Variants in NWD1 observed in about 807,000 individuals in gnomAD.
NWD1 encodes the protein NACHT domain- and WD repeat-containing protein 1.
A neutral mutation model predicts 135.1 loss-of-function variants in NWD1; 129 were observed. The ratio of observed to expected loss-of-function variants is 0.96; its 90% confidence interval spans 0.83 to 1.11. The LOEUF (loss-of-function observed/expected upper bound fraction) is 1.11. Among genes scored for constraint, NWD1 ranks in the 50% least tolerant of loss-of-function variants. The pLI, the probability that NWD1 is intolerant of heterozygous loss-of-function variation, is 0.00. For missense variants in NWD1, 1,740 were observed against 1,851.3 expected, an observed-to-expected ratio of 0.94 and a Z score of 1.10; for synonymous variants, 773 against 786.0, an observed-to-expected ratio of 0.98 and a Z score of 0.28.
chr19:16,814,964 A>ATG (rs1273618597), intron 18 of NWD1, 64 bp from the exon 19 acceptor site: 2 of 1,439,230 alleles, frequency 1.4e-6, no homozygotes, highest in Non-Finnish European at 1.9e-6. Context: ...CAACTCTGGA[A>ATG]TGTGTAGGAT....
chr19:16,787,873 T>TAAA (rs1568380619), intron 12 of NWD1, among the ~76,000 whole-genome samples: 1 of 91,474 alleles, frequency 1.1e-5, no homozygotes, highest in African/African-American at 4.5e-5. Context: ...ATAGTAATAA[T>TAAA]AACAATAATA....
In NWD1 at chr19:16,744,712, C is replaced by T. The variant is rs752846876; in HGVS notation, c.490C>T (p.Arg164Trp). 46 of 1,535,710 alleles carry T rather than the reference C, an allele frequency of 3.0e-5. No homozygotes were observed. The highest frequency in any genetic ancestry group is 5.5e-5 in the African/African-American group (4 of 73,020). Residue 164 changes from arginine to tryptophan, a missense_variant, in exon 5 of 19, where the codon CGG becomes TGG. Coordinates refer to ENST00000524140, the MANE Select transcript of NWD1 (RefSeq NM_001007525.5). ...CCAGGAGCAGTGGCAGCACTACCAC[C>T]GGTCAGGTGAGGCCGCAGGGACTCC... The part of the protein sequence containing the change: ...ITQEQWQHYH[R>W]SVIEWEIERS...
At chr19:16,764,466 A>ACCATCCATCCAT (rs372770895) in intron 9 of NWD1, among the ~76,000 whole-genome samples, 1 of 147,976 alleles carries the variant, frequency 6.8e-6, no homozygotes, top group African/African-American at 2.5e-5. Context: ...GCTGGTTATA[A>ACCATCCATCCAT]CCATCCATCC....
At chr19:16,741,884 G>A (rs1599445786) in intron 4 of NWD1, among the ~76,000 whole-genome samples, 1 of 152,138 alleles carries the variant, frequency 6.6e-6, no homozygotes, top group African/African-American at 2.4e-5. Context: ...GCTGAGGTGG[G>A]CAGATTATTT....
At position 16,808,048 on chromosome 19, in the gene NWD1, A is replaced by G. The variant is rs757027729; in HGVS notation, c.4199A>G (p.Glu1400Gly). 2 of 1,614,108 alleles carry G rather than the reference A, an allele frequency of 1.2e-6. No individual in the cohort carries two copies. Among genetic ancestry groups the G allele is most frequent in the Non-Finnish European group, 1.7e-6 (2 of 1,180,004 alleles). The change falls in exon 18 of 19, where the codon GAG (glutamate) becomes GGG (glycine). Residue 1400 changes from glutamate (E) to glycine (G), a missense_variant. Transcript: ENST00000524140. ...GCCTGTGTGGAGGTCAGCCACAAGGAGCAGCTGGTGGTCAGCGGGTCTGAG... is the reference window on the plus strand; with the variant it reads ...GCCTGTGTGGAGGTCAGCCACAAGGGGCAGCTGGTGGTCAGCGGGTCTGAG... ...RVACVEVSHK[E>G]QLVVSGSEDA... is the part of the protein sequence containing the mutation.
intron 17 of NWD1, among the ~76,000 whole-genome samples, chr19:16,806,605 G>C (rs960240816): frequency 2.0e-5 from 3 of 152,084 alleles, no homozygotes; most frequent in Admixed American, 2.0e-4. Context: ...CAGTTACTTG[G>C]GGGGCTGAGG....
At position 16,759,339 on chromosome 19, in the gene NWD1, C is replaced by T; in HGVS notation, c.1884C>T (p.Pro628=). 6.2e-7 allele frequency: 1 copy of T among 1,613,924 alleles called. No individual in the cohort carries two copies. The highest frequency in any genetic ancestry group is 8.5e-7 in the Non-Finnish European group (1 of 1,179,942). The stretch of plus-strand genomic sequence containing the variant: ...GCAAGGAGCTGCTGCGCTTCCCGCC[C>T]CTGCTGTGGGTGCGGCTTCGTCGGG... ...PPSKELLRFP[P]LLWVRLRRDL... Residue 628 remains proline, a synonymous_variant, in exon 7 of 19, where the codon CCC becomes CCT. Transcript: ENST00000524140.
chr19:16,790,746 C>T (rs1189291768), intron 13 of NWD1, among the ~76,000 whole-genome samples: 1 of 152,018 alleles, frequency 6.6e-6, no homozygotes, highest in Admixed American at 6.6e-5. Flanking sequence ...TATAAACCAT[C>T]TCAATAATAA....
intron 4 of NWD1, 120 bp downstream of exon 4, chr19:16,736,870 A>G (rs1967843206): frequency 2.1e-5 from 14 of 674,232 alleles, no homozygotes; most frequent in Non-Finnish European, 3.5e-5. Context: ...CCTTATCCCT[A>G]TGGCCTGCCT....
intron 18 of NWD1, 107 bp from the exon 19 acceptor site, chr19:16,814,921 A>G (rs1971022801): frequency 3.3e-6 from 3 of 906,700 alleles, no homozygotes; most frequent in African/African-American, 3.3e-5. Flanking sequence ...CAAAATTAGT[A>G]GAGGGCATAG....
At chr19:16,800,915 G>C (rs1970584928) in intron 17 of NWD1, among the ~76,000 whole-genome samples, 1 of 152,040 alleles carries the variant, frequency 6.6e-6, no homozygotes. Flanking sequence ...CAGTAGGATT[G>C]TTTGAGCTTA....
intron 10 of NWD1, among the ~76,000 whole-genome samples, chr19:16,767,741 A>C: frequency 6.6e-6 from 1 of 151,988 alleles, no homozygotes; most frequent in Non-Finnish European, 1.5e-5. Flanking sequence ...GATTATGGGG[A>C]TTACAATTCA....
chr19:16,764,420 C>T (rs1254739259), intron 9 of NWD1, among the ~76,000 whole-genome samples: 2 of 150,528 alleles, frequency 1.3e-5, no homozygotes, highest in Non-Finnish European at 3.0e-5. Context: ...TCCATTTATC[C>T]ACCCATCCAT....
At chr19:16,792,677 C>T (rs1970287271) in intron 14 of NWD1, among the ~76,000 whole-genome samples, 1 of 141,932 alleles carries the variant, frequency 7.0e-6, no homozygotes, top group Admixed American at 7.1e-5. Context: ...AGCAAAACTC[C>T]ATCTCAGAAC....
intron 10 of NWD1, among the ~76,000 whole-genome samples, chr19:16,772,140 A>T (rs773836): frequency 0.18 from 27,421 of 151,996 alleles, 5,815 homozygotes; most frequent in African/African-American, 0.51. Flanking sequence ...TCGAGGAAGG[A>T]GGATATCTTG....
Position 16,797,785 on chromosome 19 carries a change from T to C in NWD1, c.3358T>C (p.Phe1120Leu). 2 of 1,614,108 alleles carry C rather than the reference T, an allele frequency of 1.2e-6. No individual in the cohort carries two copies. The highest frequency in any genetic ancestry group is 1.7e-6 in the Non-Finnish European group (2 of 1,179,974). ...GGCGGACTCGAGGGGCTTTCGCCGA[T>C]TCATGGCCATGGATCTGGAACATGA... ...FLADSRGFRRFMAMDLEHEDM... is the reference protein window; with the variant it reads ...FLADSRGFRRLMAMDLEHEDM... Residue 1120 changes from phenylalanine (F) to leucine (L), a missense_variant, in exon 16 of 19, where the codon TTC (phenylalanine) becomes CTC (leucine). Phe to Leu is a conservative substitution (Grantham distance 22). Transcript: ENST00000524140.
chr19:16,750,753 A>G (rs1364210802), intron 6 of NWD1, among the ~76,000 whole-genome samples: 1 of 151,796 alleles, frequency 6.6e-6, no homozygotes, highest in African/African-American at 2.4e-5. Flanking sequence ...CTCCCATCTC[A>G]GCCTGCCGAG....
intron 6 of NWD1, 122 bp downstream of exon 6, chr19:16,750,533 C>A: frequency 1.4e-6 from 1 of 702,250 alleles, no homozygotes; most frequent in Non-Finnish European, 2.2e-6. Flanking sequence ...TAGCTCACTG[C>A]AGTCTCCAAC....
At chr19:16,721,081 C>T (rs1967118266) in intron 1 of NWD1, among the ~76,000 whole-genome samples, 1 of 152,086 alleles carries the variant, frequency 6.6e-6, no homozygotes, top group Admixed American at 6.6e-5. Context: ...AACTCCTGGC[C>T]TCAAGTAATC....
Sources: allele counts gnomAD v4.1 joint callset (sites outside exome capture counted in the v4.1 genomes callset), GRCh38; gene constraint gnomAD v4.1.1; transcripts MANE v1.5; gene names NCBI Gene and HGNC (gene_info 2026-07-23, HGNC 2026-07-21).